Variants in VOPP1 observed in about 807,000 individuals in gnomAD.
The protein encoded by VOPP1 is WW domain binding protein VOPP1.
In VOPP1, 8 loss-of-function variants were observed where a neutral mutation model predicts 23.5. The ratio of observed to expected loss-of-function variants is 0.34; its 90% CI spans 0.20 to 0.61. The LOEUF is 0.61. Ranked by LOEUF, VOPP1 falls within the 20% of genes least tolerant of loss-of-function variation. The probability of loss-of-function intolerance (pLI) is 0.78; values close to 1 mark genes in which losing one functional copy is unlikely to be tolerated. For synonymous variants in VOPP1, 83 were observed against 97.3 expected, an observed-to-expected ratio of 0.85 and a Z score of 0.86; for missense variants, 174 against 238.1, an observed-to-expected ratio of 0.73 and a Z score of 1.77.
chr7:55,489,452 G>A (rs923111721), intron 4 of VOPP1, among the ~76,000 whole-genome samples: 1 of 152,188 alleles, frequency 6.6e-6, no homozygotes, highest in Non-Finnish European at 1.5e-5. Flanking sequence ...TGCACCAGAT[G>A]GAGTCTCCTA....
chr7:55,519,001 A>C (rs1050611207), intron 2 of VOPP1, among the ~76,000 whole-genome samples: 3 of 152,242 alleles, frequency 2.0e-5, no homozygotes, highest in Admixed American at 6.5e-5. Context: ...GAGGCAGAAC[A>C]GAGAAGACTA....
intron 1 of VOPP1, among the ~76,000 whole-genome samples, chr7:55,542,319 A>C (rs4948031): frequency 0.59 from 89,346 of 151,984 alleles, 28,327 homozygotes; most frequent in Admixed American, 0.69. Context: ...ATTTTTGTTA[A>C]CTACAGTTGC....
intron 4 of VOPP1, among the ~76,000 whole-genome samples, chr7:55,474,904 C>G (rs1044671469): frequency 6.6e-6 from 1 of 152,200 alleles, no homozygotes; most frequent in Non-Finnish European, 1.5e-5. Flanking sequence ...GCCAGGGCAG[C>G]AAGGGGTGGG....
At chr7:55,483,143 A>C (rs893779816) in intron 4 of VOPP1, among the ~76,000 whole-genome samples, 3 of 152,094 alleles carry the variant, frequency 2.0e-5, no homozygotes, top group Non-Finnish European at 4.4e-5. Context: ...CCCATCCTTC[A>C]ATGCTTGTGT....
intron 4 of VOPP1, among the ~76,000 whole-genome samples, chr7:55,479,793 C>T (rs1176266630): frequency 6.6e-6 from 1 of 152,166 alleles, no homozygotes; most frequent in Non-Finnish European, 1.5e-5. Flanking sequence ...TAACATGGAG[C>T]ACACAGTGGA....
At chr7:55,537,614 C>A (rs1796877045) in intron 1 of VOPP1, 5 of 1,534,714 alleles carry the variant, frequency 3.3e-6, no homozygotes, top group Non-Finnish European at 4.4e-6. Context: ...ACGCAGCCCT[C>A]CAATACGGAG....
Position 55,531,643 on chromosome 7 carries a change from C to G in VOPP1, c.55-10513G>C, listed in dbSNP as rs553365700. On this transcript the variant is annotated intron_variant, in intron 1 of 4. Transcript: ENST00000285279. The stretch of plus-strand genomic sequence containing the variant: ...CTAGGATTACAGGCATGAGCCATCG[C>G]GCCCAGAAAAAGTCATCTTTTTTTG... Among the ~76,000 whole-genome samples, 17 of 152,130 alleles carry G rather than the reference C, an allele frequency of 1.1e-4. No homozygotes were observed. In the East Asian group the frequency reaches 2.9e-3, roughly 26 times the overall value.
At chr7:55,517,552 A>G (rs1795545543) in intron 2 of VOPP1, among the ~76,000 whole-genome samples, 1 of 152,156 alleles carries the variant, frequency 6.6e-6, no homozygotes, top group Admixed American at 6.5e-5. Flanking sequence ...TGAGGCCCCC[A>G]GCAGCAGGGC....
chr7:55,528,107 G>T (rs2129045189), intron 1 of VOPP1, among the ~76,000 whole-genome samples: 1 of 152,180 alleles, frequency 6.6e-6, no homozygotes, highest in Non-Finnish European at 1.5e-5. Flanking sequence ...TTTCAAAATG[G>T]GTTTTGCTAA....
At chr7:55,451,985 A>T (rs1411697171) in intron 4 of VOPP1, among the ~76,000 whole-genome samples, 1 of 152,156 alleles carries the variant, frequency 6.6e-6, no homozygotes, top group East Asian at 1.9e-4. Context: ...TGCCGCATTG[A>T]TTGACTTTAT....
chr7:55,485,981 G>A (rs1302911118), intron 4 of VOPP1, among the ~76,000 whole-genome samples: 3 of 152,230 alleles, frequency 2.0e-5, no homozygotes, highest in Non-Finnish European at 4.4e-5. Context: ...GCGGGCGGGG[G>A]ACCTGTCAGA....
chr7:55,449,731 G>C (rs547422884), intron 4 of VOPP1, among the ~76,000 whole-genome samples: 25 of 152,208 alleles, frequency 1.6e-4, no homozygotes, highest in African/African-American at 6.0e-4. Context: ...GGAGAGCAGC[G>C]AGCAGCCTGG....
chr7:55,484,998 G>A (rs1199566428), intron 4 of VOPP1, among the ~76,000 whole-genome samples: 1 of 152,192 alleles, frequency 6.6e-6, no homozygotes, highest in Non-Finnish European at 1.5e-5. Flanking sequence ...AACAAAACCA[G>A]CACTGCTCCC....
intron 4 of VOPP1, among the ~76,000 whole-genome samples, chr7:55,451,166 A>G (rs111577569): frequency 0.012 from 1,824 of 152,204 alleles, 13 homozygotes; most frequent in Admixed American, 0.021. Flanking sequence ...CACACCATTT[A>G]TAGGAGGGCA....
At chr7:55,509,285 G>C (rs1794923875) in intron 2 of VOPP1, among the ~76,000 whole-genome samples, 1 of 152,116 alleles carries the variant, frequency 6.6e-6, no homozygotes, top group Admixed American at 6.6e-5. Flanking sequence ...CACAGCTTGG[G>C]TAATTTATAA....
chr7:55,563,331 A>T (rs1169084623), intron 1 of VOPP1, among the ~76,000 whole-genome samples: 1 of 152,332 alleles, frequency 6.6e-6, no homozygotes, highest in Admixed American at 6.5e-5. Context: ...TGCGTTTTTT[A>T]AAAAAATCAG....
chr7:55,558,831 A>G (rs888225427), intron 1 of VOPP1, among the ~76,000 whole-genome samples: 1 of 152,160 alleles, frequency 6.6e-6, no homozygotes, highest in African/African-American at 2.4e-5. Flanking sequence ...AGTAAAGCTG[A>G]CTGACAAAGA....
chr7:55,490,635 G>C (rs1165301173), intron 4 of VOPP1, among the ~76,000 whole-genome samples: 2 of 152,104 alleles, frequency 1.3e-5, no homozygotes, highest in South Asian at 4.1e-4. Flanking sequence ...AAACCTCTCT[G>C]ACTGATCCAG....
At chr7:55,542,773 G>A (rs1797188954) in intron 1 of VOPP1, among the ~76,000 whole-genome samples, 1 of 150,892 alleles carries the variant, frequency 6.6e-6, no homozygotes, top group African/African-American at 2.4e-5. Context: ...CTGGGAGACA[G>A]AGCGAGACTC....
Sources: gnomAD v4.1 joint callset for allele counts (sites outside exome capture counted in the v4.1 genomes callset) on GRCh38, gnomAD v4.1.1 for gene constraint, MANE v1.5 for transcripts, NCBI Gene and HGNC (gene_info 2026-07-23, HGNC 2026-07-21) for gene names.